The following OTUD7B variants were observed in gnomAD, a reference collection of about 807,000 sequenced individuals.
OTUD7B encodes the protein OTU domain-containing protein 7B.
A neutral mutation model predicts 82.2 loss-of-function variants in OTUD7B; 34 were observed. The observed-to-expected ratio is 0.41, with a 90% CI of 0.31 to 0.55. The LOEUF is 0.55. Among genes scored for constraint, OTUD7B ranks in the 20% least tolerant of loss-of-function variants. The pLI is 0.20. For missense variants in OTUD7B, 944 were observed against 1,062.1 expected, an observed-to-expected ratio of 0.89 and a Z score of 1.55; for synonymous variants, 398 against 402.7, an observed-to-expected ratio of 0.99 and a Z score of 0.14.
intron 1 of OTUD7B, among the ~76,000 whole-genome samples, chr1:150,001,022 C>G (rs1037703551): frequency 6.6e-6 from 1 of 151,714 alleles, no homozygotes; most frequent in South Asian, 2.1e-4. Context: ...AAAGATGTGG[C>G]GGGGCAGAGG....
chr1:150,045,887 TAA>T, the OTUD7B span, among the ~76,000 whole-genome samples: 1 of 152,084 alleles, frequency 6.6e-6, no homozygotes, highest in African/African-American at 2.4e-5. Flanking sequence ...CATCAATTTA[TAA>T]AAAAGAGACA....
At chr1:150,049,269 T>C in the OTUD7B span, among the ~76,000 whole-genome samples, 3 of 152,228 alleles carry the variant, frequency 2.0e-5, no homozygotes, top group Non-Finnish European at 4.4e-5. Flanking sequence ...CTCTCTAAAT[T>C]TGAGTGTTCT....
rs1647813833 is a variant in OTUD7B at position 149,947,108 on chromosome 1, C to G, written c.1323+143G>C. The stretch of plus-strand genomic sequence containing the variant: ...AGGAAAAATTGTCTTTGGAACTTAT[C>G]TGACATCTTCTAGTTACTTCTAACC... On this transcript the variant is annotated intron_variant, in intron 11 of 11. Transcript: ENST00000581312. The G allele has an allele frequency of 1.4e-5, 7 of 498,954 alleles. No homozygotes were observed. The South Asian group carries it at 2.7e-4, about 19-fold the overall frequency. The allele number at this position is 498,954 out of a possible 1,614,324, so 30.9% of individuals were successfully genotyped here. A position where few individuals can be genotyped will look rare whatever the true frequency, so the allele number is the denominator to read the frequency against.
the OTUD7B span, among the ~76,000 whole-genome samples, chr1:150,027,263 TAATA>T: frequency 2.6e-5 from 4 of 152,058 alleles, no homozygotes; most frequent in Non-Finnish European, 4.4e-5. Flanking sequence ...TACAGAGAGG[TAATA>T]AATAATTATA....
At chr1:149,970,638 A>C (rs1553777427) in intron 3 of OTUD7B, among the ~76,000 whole-genome samples, 1 of 152,110 alleles carries the variant, frequency 6.6e-6, no homozygotes, top group Non-Finnish European at 1.5e-5. Context: ...TATTTAGAGA[A>C]TACTTATGTG....
chr1:150,009,766 A>G (rs899771817), intron 1 of OTUD7B, among the ~76,000 whole-genome samples: 5 of 152,072 alleles, frequency 3.3e-5, no homozygotes, highest in Non-Finnish European at 7.3e-5. Context: ...ATCCCATTCC[A>G]TCCCGACCGG....
chr1:150,041,337 T>C, the OTUD7B span, among the ~76,000 whole-genome samples: 2 of 152,182 alleles, frequency 1.3e-5, no homozygotes, highest in African/African-American at 4.8e-5. Context: ...TTGTTGTTTT[T>C]GTTTGTTTGT....
chr1:150,012,904 G>C (rs1472319531), upstream of OTUD7B, among the ~76,000 whole-genome samples: 1 of 152,204 alleles, frequency 6.6e-6, no homozygotes, highest in Admixed American at 6.5e-5. Flanking sequence ...GGCCACCTGG[G>C]TTCTGGTCCC....
chr1:149,981,789 A>G (rs958470129), intron 1 of OTUD7B, among the ~76,000 whole-genome samples: 1 of 152,198 alleles, frequency 6.6e-6, no homozygotes, highest in African/African-American at 2.4e-5. Context: ...CTTCCAGACC[A>G]TCTTGAAGTA....
At chr1:149,978,511 C>A (rs781797991) in intron 1 of OTUD7B, among the ~76,000 whole-genome samples, 1 of 152,142 alleles carries the variant, frequency 6.6e-6, no homozygotes, top group African/African-American at 2.4e-5. Context: ...TCTCAAAAAA[C>A]TAACTTAAAT....
the OTUD7B span, among the ~76,000 whole-genome samples, chr1:150,057,438 T>C: frequency 2.0e-5 from 3 of 152,026 alleles, no homozygotes; most frequent in Non-Finnish European, 2.9e-5. Context: ...CTTATTAATT[T>C]ATCTTCCTCT....
In OTUD7B at chr1:149,943,702, G is replaced by T; in HGVS notation, c.*155C>A. The T allele has an allele frequency of 1.3e-6, 1 of 773,486 alleles. No homozygotes were observed. The highest frequency in any genetic ancestry group is 2.1e-6 in the Non-Finnish European group (1 of 470,074). The allele number at this position is 773,486 out of a possible 1,614,324, so 47.9% of individuals were successfully genotyped here. A position where few individuals can be genotyped will look rare whatever the true frequency, so the allele number is the denominator to read the frequency against. ...GCCCCGACCTGCTCTTGCCAGCCTG[G>T]CAGCACTCCTGTGTGCACACACTTA... is the stretch of plus-strand genomic sequence containing the variant. On this transcript the variant is annotated 3_prime_UTR_variant, in exon 12 of 12. Transcript: ENST00000581312.
In OTUD7B at chr1:149,944,982, C is replaced by A; in HGVS notation, c.1407G>T (p.Lys469Asn). 1 of 1,614,176 alleles carries A rather than the reference C, an allele frequency of 6.2e-7. No individual in the cohort carries two copies. The highest frequency in any genetic ancestry group is 8.5e-7 in the Non-Finnish European group (1 of 1,180,034). Residue 469 changes from lysine to asparagine, a missense_variant, in exon 12 of 12, where the codon AAG (lysine) becomes AAT (asparagine). Lys to Asn is a moderately conservative substitution (Grantham distance 94). Coordinates refer to ENST00000581312, the MANE Select transcript of OTUD7B (RefSeq NM_020205.4). Reference protein sequence around the residue: ...RSTPESGDSDKESVGSSSTSN... With the variant: ...RSTPESGDSDNESVGSSSTSN... The stretch of plus-strand genomic sequence containing the variant: ...TGGTGGAACTGCTGCCAACTGACTC[C>A]TTGTCTGAGTCTCCAGACTCAGGAG...
chr1:150,001,636 T>C (rs1652293020), intron 1 of OTUD7B, among the ~76,000 whole-genome samples: 1 of 152,158 alleles, frequency 6.6e-6, no homozygotes, highest in Non-Finnish European at 1.5e-5. Flanking sequence ...GAGTAGCTAT[T>C]CTGTGCCTCC....
chr1:150,040,740 C>T, the OTUD7B span, among the ~76,000 whole-genome samples: 1 of 137,196 alleles, frequency 7.3e-6, no homozygotes, highest in South Asian at 2.2e-4. Context: ...GATGGAGTCT[C>T]ACTCTGTTGC....
At chr1:150,059,053 C>CAT in the OTUD7B span, among the ~76,000 whole-genome samples, 5 of 125,472 alleles carry the variant, frequency 4.0e-5, no homozygotes, top group Non-Finnish European at 8.3e-5. Context: ...ACTTTCTTTT[C>CAT]TTTTTTTTTT....
At chr1:149,948,771 C>T (rs895894135) in intron 10 of OTUD7B, among the ~76,000 whole-genome samples, 198 bp downstream of exon 10, 15 of 152,218 alleles carry the variant, frequency 9.9e-5, no homozygotes, top group African/African-American at 3.6e-4. Flanking sequence ...GGATTCCCAT[C>T]TCTTTCACAG....
At chr1:149,955,304 G>T (rs2101769372) in intron 7 of OTUD7B, among the ~76,000 whole-genome samples, 1 of 152,310 alleles carries the variant, frequency 6.6e-6, no homozygotes, top group East Asian at 1.9e-4. Flanking sequence ...TATGTACCCA[G>T]TAGTCATTCA....
At position 150,003,432 on chromosome 1, in the gene OTUD7B, C is replaced by A. The variant is rs587655241; in HGVS notation, c.-67+7016G>T. 2.6e-5 allele frequency among the ~76,000 whole-genome samples: 4 copies of A among 152,170 alleles called. No individual in the cohort carries two copies. In the East Asian group the frequency reaches 7.7e-4, roughly 29 times the overall value. ...CAGACTGGAATGTAATTCTTGTCAT[C>A]TGTAGAGTATATCCTTAATTCATCT... On this transcript the variant is annotated intron_variant, in intron 1 of 11. Transcript: ENST00000581312.
Sources: allele counts gnomAD v4.1 joint callset (sites outside exome capture counted in the v4.1 genomes callset), GRCh38; gene constraint gnomAD v4.1.1; transcripts MANE v1.5; gene names NCBI Gene and HGNC (gene_info 2026-07-23, HGNC 2026-07-21).